The following LRP2 variants were observed in gnomAD, a reference collection of about 807,000 sequenced individuals.
LRP2 encodes low-density lipoprotein receptor-related protein 2.
Under a neutral mutation model 531.0 loss-of-function variants are expected in LRP2, and 172 were observed. The observed-to-expected ratio is 0.32, with a 90% CI of 0.29 to 0.37. The LOEUF (loss-of-function observed/expected upper bound fraction) is 0.37, where lower values mean the gene tolerates loss of function less well. Ranked by LOEUF, LRP2 falls within the 10% of genes least tolerant of loss-of-function variation. The pLI is 1.00. For synonymous variants in LRP2, 1,992 were observed against 2,027.6 expected (o/e 0.98, Z 0.47); for missense variants, 5,167 against 5,868.3 (o/e 0.88, Z 3.90).
intron 16 of LRP2, among the ~76,000 whole-genome samples, chr2:169,261,368 T>C (rs1010354101): frequency 5.9e-5 from 9 of 151,964 alleles, no homozygotes; most frequent in African/African-American, 2.2e-4. Context: ...AGGTCTTACC[T>C]AGGCTGGAGT....
At chr2:169,281,661 T>G (rs892378328) in intron 10 of LRP2, among the ~76,000 whole-genome samples, 4 of 151,874 alleles carry the variant, frequency 2.6e-5, no homozygotes, top group Non-Finnish European at 5.9e-5. Flanking sequence ...GAGGTTGCAG[T>G]GAGCCAAGAT....
At chr2:169,260,870 G>GGA (rs538508912) in intron 16 of LRP2, among the ~76,000 whole-genome samples, 1 of 146,592 alleles carries the variant, frequency 6.8e-6, no homozygotes, top group East Asian at 2.0e-4. Context: ...GGGTACACTA[G>GGA]AAAAAAAAAA....
intron 1 of LRP2, among the ~76,000 whole-genome samples, chr2:169,324,992 A>G (rs1685009434): frequency 1.3e-5 from 2 of 152,108 alleles, no homozygotes; most frequent in South Asian, 4.2e-4. Context: ...TTACCATCTT[A>G]AATCCATAGA....
At chr2:169,220,839 GA>G (rs1474020708) in intron 33 of LRP2, among the ~76,000 whole-genome samples, 1 of 152,088 alleles carries the variant, frequency 6.6e-6, no homozygotes, top group Non-Finnish European at 1.5e-5. Context: ...TGGATAAAAG[GA>G]AGATTCAGTT....
intron 8 of LRP2, 50 bp from the exon 9 acceptor site, chr2:169,289,195 A>G: frequency 6.2e-7 from 1 of 1,610,804 alleles, no homozygotes; most frequent in South Asian, 1.1e-5. Flanking sequence ...TCTGGACAAG[A>G]CTGATTAATC....
intron 68 of LRP2, 89 bp from the exon 69 acceptor site, chr2:169,147,048 C>G: frequency 9.8e-7 from 1 of 1,019,550 alleles, no homozygotes; most frequent in African/African-American, 1.6e-5. Flanking sequence ...ACAGGGAAAC[C>G]AACTGTTTAT....
chr2:169,362,419 C>G lies in LRP2; in HGVS notation c.-20G>C. On this transcript the variant is annotated 5_prime_UTR_variant, in exon 1 of 79. Coordinates refer to ENST00000649046, the MANE Select transcript of LRP2 (RefSeq NM_004525.3). ...ATCCATCTCCGCGACGGTCCCCGGC[C>G]TCGCCGTTCCTTCCCCGGGAGGTGG... 1 of 1,546,026 alleles carries G rather than the reference C, an allele frequency of 6.5e-7. No individual in the cohort carries two copies. The highest frequency in any genetic ancestry group is 8.7e-7 in the Non-Finnish European group (1 of 1,147,426).
In LRP2 at chr2:169,203,041, C is replaced by T. The variant is rs1688254253; in HGVS notation, c.8006-82G>A. The T allele has an allele frequency of 1.0e-5, 11 of 1,093,014 alleles. No homozygotes were observed. The South Asian group carries it at 1.3e-4, about 13-fold the overall frequency. 67.7% of individuals were successfully genotyped at this position (1,093,014 alleles called of 1,614,324 possible). On this transcript the variant is annotated intron_variant, in intron 42 of 78. Coordinates refer to ENST00000649046, the MANE Select transcript of LRP2 (RefSeq NM_004525.3). ...GACCCCTCCACAATAGCACTTGCAA[C>T]AGCTTCTACATTAAATGCTCCCTAA...
chr2:169,161,185 T>C (rs1250505642), intron 63 of LRP2, among the ~76,000 whole-genome samples: 1 of 152,222 alleles, frequency 6.6e-6, no homozygotes, highest in Admixed American at 6.5e-5. Context: ...CTTACATGAC[T>C]GCTCCAATTC....
intron 16 of LRP2, among the ~76,000 whole-genome samples, chr2:169,268,577 A>G (rs1683301863): frequency 6.6e-6 from 1 of 152,000 alleles, no homozygotes; most frequent in South Asian, 2.1e-4. Context: ...CTAAATCAAT[A>G]AACTAGGTAT....
intron 17 of LRP2, 144 bp from the exon 18 acceptor site, chr2:169,257,393 T>A: frequency 1.2e-6 from 1 of 810,528 alleles, no homozygotes. Flanking sequence ...ATACTTAGTG[T>A]ATAACTCATG....
intron 76 of LRP2, among the ~76,000 whole-genome samples, chr2:169,136,017 C>T (rs554009091): frequency 2.0e-5 from 3 of 151,872 alleles, no homozygotes; most frequent in Non-Finnish European, 2.9e-5. Flanking sequence ...AGGGCTATGC[C>T]GAACCTCCTT....
rs186468563 is a variant in LRP2 at position 169,245,023 on chromosome 2, T to C, written c.3191-91A>G. ...TTATAAAGGCTCAGTTCACCTTTTT[T>C]AATGGAGGCATTGTATATAATAAGG... On this transcript the variant is annotated intron_variant, in intron 21 of 78. Coordinates refer to ENST00000649046, the MANE Select transcript of LRP2 (RefSeq NM_004525.3). The C allele has an allele frequency of 3.2e-3, 4,414 of 1,362,114 alleles. 11 individuals carry two copies. The highest frequency in any genetic ancestry group is 4.2e-3 in the Non-Finnish European group (4,047 of 954,280). 84.4% of individuals were successfully genotyped at this position (1,362,114 alleles called of 1,614,324 possible).
intron 13 of LRP2, among the ~76,000 whole-genome samples, chr2:169,276,618 A>G (rs1010903801): frequency 2.6e-5 from 4 of 152,196 alleles, no homozygotes; most frequent in African/African-American, 7.2e-5. Context: ...CCAAGGATAT[A>G]TAATCCAATG....
In LRP2 at chr2:169,182,148, G is replaced by A; in HGVS notation, c.9998+19C>T. The A allele has an allele frequency of 6.2e-7, 1 of 1,613,876 alleles. No homozygotes were observed. Among genetic ancestry groups the A allele is most frequent in the South Asian group, 1.1e-5 (1 of 91,064 alleles). The stretch of plus-strand genomic sequence containing the variant: ...AGAAGGAGGTGAAAGAAAAGCCCAG[G>A]ATTGCAGGGAGACAATACCCATATT... On this transcript the variant is annotated intron_variant, in intron 51 of 78. Transcript: ENST00000649046.
At chr2:169,272,040 G>A (rs893995442) in intron 15 of LRP2, among the ~76,000 whole-genome samples, 2 of 152,078 alleles carry the variant, frequency 1.3e-5, no homozygotes, top group African/African-American at 4.8e-5. Context: ...AGAAATACAT[G>A]TTGTTTTTAA....
intron 76 of LRP2, among the ~76,000 whole-genome samples, chr2:169,133,887 T>A (rs1685380273): frequency 6.6e-6 from 1 of 152,142 alleles, no homozygotes; most frequent in Non-Finnish European, 1.5e-5. Flanking sequence ...CTCAGCAAAT[T>A]ACCTGGGCTG....
At chr2:169,309,640 T>C (rs1684535399) in intron 3 of LRP2, among the ~76,000 whole-genome samples, 1 of 152,206 alleles carries the variant, frequency 6.6e-6, no homozygotes, top group South Asian at 2.1e-4. Flanking sequence ...TGTAGTATAG[T>C]TTGAAGTCAG....
At chr2:169,336,540 A>T (rs1209940002) in intron 1 of LRP2, among the ~76,000 whole-genome samples, 1 of 150,944 alleles carries the variant, frequency 6.6e-6, no homozygotes, top group Non-Finnish European at 1.5e-5. Context: ...ACTCCATCAC[A>T]CACACACACA....
Sources: allele counts gnomAD v4.1 joint callset (sites outside exome capture counted in the v4.1 genomes callset), GRCh38; gene constraint gnomAD v4.1.1; transcripts MANE v1.5; gene names NCBI Gene and HGNC (gene_info 2026-07-23, HGNC 2026-07-21).